The following DPP10 variants were observed in gnomAD, a reference collection of about 807,000 sequenced individuals.
DPP10 encodes the protein inactive dipeptidyl peptidase 10.
DPP10 carries 33 observed loss-of-function variants against 120.9 expected under a neutral mutation model. The observed-to-expected ratio is 0.27, with a 90% CI of 0.21 to 0.37. DPP10 has a LOEUF of 0.37. Ranked by LOEUF, DPP10 falls within the 10% of genes least tolerant of loss-of-function variation. DPP10 has a pLI of 1.00. For synonymous variants in DPP10, 337 were observed against 326.1 expected, an observed-to-expected ratio of 1.03 and a Z score of -0.36; for missense variants, 816 against 942.8, an observed-to-expected ratio of 0.87 and a Z score of 1.76.
intron 1 of DPP10, among the ~76,000 whole-genome samples, chr2:114,492,273 T>G (rs1422108611): frequency 1.3e-5 from 2 of 152,184 alleles, no homozygotes; most frequent in African/African-American, 4.8e-5. Flanking sequence ...TTGTATAATT[T>G]TATTCCCAAA....
At chr2:115,468,357 T>C in intron 3 of DPP10, 1 of 511,448 alleles carries the variant, frequency 2.0e-6, no homozygotes, top group Non-Finnish European at 3.9e-6. Context: ...TGCTGGCTGC[T>C]TCACTCTTGG....
intron 1 of DPP10, among the ~76,000 whole-genome samples, chr2:114,556,648 AG>A (rs1688337116): frequency 6.6e-6 from 1 of 152,088 alleles, no homozygotes; most frequent in African/African-American, 2.4e-5. Flanking sequence ...CATTTAAGCT[AG>A]GGGGAGGATG....
chr2:114,770,746 G>A (rs550382638), intron 1 of DPP10, among the ~76,000 whole-genome samples: 1 of 152,244 alleles, frequency 6.6e-6, no homozygotes, highest in Admixed American at 6.5e-5. Flanking sequence ...GTTTAGCTCT[G>A]AATTTCTTTT....
chr2:114,786,895 C>A (rs1266582903), intron 1 of DPP10, among the ~76,000 whole-genome samples: 1 of 152,166 alleles, frequency 6.6e-6, no homozygotes, highest in African/African-American at 2.4e-5. Flanking sequence ...CCATTCTAAT[C>A]ACACAATTGG....
At chr2:114,592,284 A>G (rs1338873153) in intron 1 of DPP10, among the ~76,000 whole-genome samples, 1 of 152,178 alleles carries the variant, frequency 6.6e-6, no homozygotes, top group Non-Finnish European at 1.5e-5. Flanking sequence ...TTCACTGCCT[A>G]TACCCCAGAC....
intron 1 of DPP10, among the ~76,000 whole-genome samples, chr2:114,510,508 G>A (rs1293318520): frequency 6.6e-6 from 1 of 152,166 alleles, no homozygotes; most frequent in East Asian, 1.9e-4. Context: ...GGAGGCTGAG[G>A]CAGGAGAATT....
At chr2:114,596,758 C>G (rs1046360193) in intron 1 of DPP10, among the ~76,000 whole-genome samples, 2 of 151,890 alleles carry the variant, frequency 1.3e-5, no homozygotes, top group African/African-American at 4.8e-5. Flanking sequence ...GTAACTTTCC[C>G]AAAGTTACAA....
intron 1 of DPP10, among the ~76,000 whole-genome samples, chr2:115,228,249 A>G (rs1354435711): frequency 6.6e-6 from 1 of 152,100 alleles, no homozygotes; most frequent in Middle Eastern, 3.4e-3. Context: ...ACCCGGCCCT[A>G]TACATGGGGT....
chr2:114,997,353 A>C (rs1701156368), intron 1 of DPP10, among the ~76,000 whole-genome samples: 1 of 149,498 alleles, frequency 6.7e-6, no homozygotes, highest in African/African-American at 2.5e-5. Context: ...TTAGCTGATC[A>C]TGGTGGCATG....
At chr2:114,677,321 G>A (rs1698736484) in intron 1 of DPP10, among the ~76,000 whole-genome samples, 1 of 151,976 alleles carries the variant, frequency 6.6e-6, no homozygotes, top group Admixed American at 6.6e-5. Flanking sequence ...CCATACTCAA[G>A]TTATTATTTT....
intron 1 of DPP10, among the ~76,000 whole-genome samples, chr2:114,817,662 A>T (rs140558064): frequency 5.3e-5 from 8 of 152,298 alleles, no homozygotes; most frequent in Non-Finnish European, 7.4e-5. Context: ...TATGCAATTC[A>T]TGGGAGTCGG....
chr2:114,933,938 G>GAAATGTAACA, intron 1 of DPP10, among the ~76,000 whole-genome samples: 1 of 152,256 alleles, frequency 6.6e-6, no homozygotes, highest in African/African-American at 2.4e-5. Flanking sequence ...AGGAAGGAAG[G>GAAATGTAACA]AAATGTAACA....
intron 1 of DPP10, among the ~76,000 whole-genome samples, chr2:114,821,673 G>A (rs1003111419): frequency 2.0e-5 from 3 of 152,118 alleles, no homozygotes; most frequent in Non-Finnish European, 2.9e-5. Context: ...TAGATACAAT[G>A]GGGTACAGGC....
chr2:115,666,422 A>T (rs779904798), intron 5 of DPP10, among the ~76,000 whole-genome samples: 4 of 152,280 alleles, frequency 2.6e-5, no homozygotes, highest in East Asian at 1.9e-4. Flanking sequence ...TCACGAGAAC[A>T]TCATGGAAGA....
chr2:114,913,662 C>G (rs1574474734), intron 1 of DPP10, among the ~76,000 whole-genome samples: 1 of 152,138 alleles, frequency 6.6e-6, no homozygotes, highest in Non-Finnish European at 1.5e-5. Flanking sequence ...AGTCTAAAAT[C>G]CAGAGAACCT....
chr2:115,311,085 AC>A (rs2061557305), intron 2 of DPP10, among the ~76,000 whole-genome samples: 2 of 152,150 alleles, frequency 1.3e-5, no homozygotes, highest in African/African-American at 4.8e-5. Context: ...ACAGTGATGA[AC>A]CATAATTGAG....
intron 2 of DPP10, among the ~76,000 whole-genome samples, chr2:115,340,081 C>T (rs376495696): frequency 2.0e-5 from 3 of 152,172 alleles, no homozygotes; most frequent in Admixed American, 6.6e-5. Context: ...ATATTTCTTG[C>T]AACTTCATAT....
At position 115,336,367 on chromosome 2, in the gene DPP10, C is replaced by G. The variant is rs184897869; in HGVS notation, c.176-7450C>G. ...ACTTTTTACTTAAGATTCTACAATA[C>G]CTTGTAACTATTTAACCAATAAGGA... On this transcript the variant is annotated intron_variant, in intron 2 of 25. Transcript: ENST00000410059. 4.7e-3 allele frequency among the ~76,000 whole-genome samples: 716 copies of G among 152,058 alleles called. 8 individuals are homozygous for G. Among genetic ancestry groups the G allele is most frequent in the African/African-American group, 0.016 (644 of 41,510 alleles).
intron 5 of DPP10, among the ~76,000 whole-genome samples, chr2:115,687,857 C>A (rs1279625884): frequency 6.6e-6 from 1 of 151,998 alleles, no homozygotes. Flanking sequence ...TAATGCCCAG[C>A]AACTTTTTCT....
Sources: gnomAD v4.1 joint callset for allele counts (sites outside exome capture counted in the v4.1 genomes callset) on GRCh38, gnomAD v4.1.1 for gene constraint, MANE v1.5 for transcripts, NCBI Gene and HGNC (gene_info 2026-07-23, HGNC 2026-07-21) for gene names.